TMED10: variants seen among roughly 807,000 people sequenced by gnomAD.
The protein encoded by TMED10 is transmembrane p24 trafficking protein 10.
A neutral mutation model predicts 23.1 loss-of-function variants in TMED10; 7 were observed. The ratio of observed to expected loss-of-function variants is 0.30; its 90% CI spans 0.17 to 0.57. TMED10 has a LOEUF of 0.57. Ranked by LOEUF, TMED10 falls within the 20% of genes least tolerant of loss-of-function variation. The probability of loss-of-function intolerance (pLI) is 0.91; values close to 1 mark genes in which losing one functional copy is unlikely to be tolerated. For synonymous variants in TMED10, 113 were observed against 106.9 expected (o/e 1.06, Z -0.35); for missense variants, 162 against 274.8 (o/e 0.59, Z 2.90).
intron 1 of TMED10, among the ~76,000 whole-genome samples, chr14:75,166,685 T>C (rs1405070943): frequency 6.6e-6 from 1 of 152,216 alleles, no homozygotes; most frequent in Non-Finnish European, 1.5e-5. Flanking sequence ...AATTAAAAGC[T>C]AGGAACTTTG....
chr14:75,136,999 C>T (rs1372859192), intron 3 of TMED10: 1 of 151,788 alleles, frequency 6.6e-6, no homozygotes, highest in African/African-American at 2.4e-5. Context: ...AGATACACCA[C>T]CAGAGCTTTC....
intron 1 of TMED10, among the ~76,000 whole-genome samples, chr14:75,171,643 A>C (rs1896234889): frequency 1.6e-5 from 1 of 60,904 alleles, no homozygotes; most frequent in African/African-American, 6.3e-5. Flanking sequence ...AGAAGCTAGA[A>C]AGGGCAAGAA....
intron 1 of TMED10, among the ~76,000 whole-genome samples, chr14:75,165,121 C>T (rs997180254): frequency 6.6e-6 from 1 of 152,172 alleles, no homozygotes; most frequent in Non-Finnish European, 1.5e-5. Context: ...CAAGTGAATA[C>T]TGAGCCAAAG....
chr14:75,140,702 T>A lies in TMED10; in HGVS notation c.412-4816A>T, dbSNP rs114501634. Among the ~76,000 whole-genome samples, 306 of 152,154 alleles carry A rather than the reference T, an allele frequency of 2.0e-3. 3 individuals carry two copies. The highest frequency in any genetic ancestry group is 7.1e-3 in the African/African-American group (293 of 41,530). ...CAGCCTGGGCTGGGTGGACTCTGTCTCAAAAAAATAAATAAATGAAGAAGT... is the reference window on the plus strand; with the variant it reads ...CAGCCTGGGCTGGGTGGACTCTGTCACAAAAAAATAAATAAATGAAGAAGT... On this transcript the variant is annotated intron_variant, in intron 3 of 4. Coordinates refer to ENST00000303575, the MANE Select transcript of TMED10 (RefSeq NM_006827.6).
chr14:75,133,280 C>T lies in TMED10; in HGVS notation c.*1605G>A, dbSNP rs1594861921. 6.6e-6 allele frequency: 1 copy of T among 152,054 alleles called. No homozygotes were observed. The highest frequency in any genetic ancestry group is 1.9e-4 in the East Asian group (1 of 5,172). 9.4% of individuals were successfully genotyped at this position (152,054 alleles called of 1,614,324 possible). A position where few individuals can be genotyped will look rare whatever the true frequency, so the allele number is the denominator to read the frequency against. On this transcript the variant is annotated 3_prime_UTR_variant, in exon 5 of 5. Transcript: ENST00000303575. Reference sequence around the variant, plus strand: ...TATCTAGGATATATAAAAAACCTCTCAAAACTCAATAGTAAAAAGAACAAA... The same window carrying T: ...TATCTAGGATATATAAAAAACCTCTTAAAACTCAATAGTAAAAAGAACAAA...
At chr14:75,159,391 G>A (rs905669609) in intron 1 of TMED10, among the ~76,000 whole-genome samples, 1 of 152,218 alleles carries the variant, frequency 6.6e-6, no homozygotes, top group Non-Finnish European at 1.5e-5. Context: ...AAGCATCAAG[G>A]TGAAAGTACT....
At chr14:75,149,626 C>T (rs1035430495) in intron 2 of TMED10, among the ~76,000 whole-genome samples, 1 of 152,190 alleles carries the variant, frequency 6.6e-6, no homozygotes, top group African/African-American at 2.4e-5. Flanking sequence ...GCCAAAGGAA[C>T]TGGTTCAGAC....
chr14:75,141,652 T>C (rs528080082), intron 3 of TMED10, among the ~76,000 whole-genome samples: 2 of 152,296 alleles, frequency 1.3e-5, no homozygotes, highest in South Asian at 2.1e-4. Context: ...CTTGGTGCAG[T>C]TGGCATTAGA....
chr14:75,135,114 C>T lies in TMED10; in HGVS notation c.539-108G>A, dbSNP rs942017155. On this transcript the variant is annotated intron_variant, in intron 4 of 4. Transcript: ENST00000303575. ...GCAATTAATTAACTTCACTCTGTCC[C>T]TAGGTCTAACAGTAGGATTTCAGAT... is the stretch of plus-strand genomic sequence containing the variant. 2.9e-5 allele frequency: 40 copies of T among 1,376,938 alleles called. No individual in the cohort carries two copies. The East Asian group carries it at 5.2e-4, about 18-fold the overall frequency. The allele number at this position is 1,376,938 out of a possible 1,614,324, so 85.3% of individuals were successfully genotyped here.
rs1345417749 is a variant in TMED10, at chr14:75,164,565, ATATATATATATATTTTTTT to A, written c.225+11771_225+11789del. On this transcript the variant is annotated intron_variant, in intron 1 of 4. Transcript: ENST00000303575. ...TATATATATATATATATATATATAT[ATATATATATATATTTTTTT>A]TTTTTTTTTTGTATTTTTAGAAGAG... 9.4e-3 allele frequency among the ~76,000 whole-genome samples: 22 copies of A among 2,332 alleles called. 3 individuals carry two copies. Among genetic ancestry groups the A allele is most frequent in the Admixed American group, 0.042 (8 of 190 alleles). 1.5% of individuals were successfully genotyped at this position (2,332 alleles called of 152,430 possible). A position where few individuals can be genotyped will look rare whatever the true frequency, so the allele number is the denominator to read the frequency against.
At position 75,132,974 on chromosome 14, in the gene TMED10, C is replaced by T. The variant is rs1446712103; in HGVS notation, c.*1911G>A. 1.3e-5 allele frequency: 2 copies of T among 152,222 alleles called. No homozygotes were observed. Among genetic ancestry groups the T allele is most frequent in the South Asian group, 2.1e-4 (1 of 4,820 alleles). The allele number at this position is 152,222 out of a possible 1,614,324, so 9.4% of individuals were successfully genotyped here. A position where few individuals can be genotyped will look rare whatever the true frequency, so the allele number is the denominator to read the frequency against. On this transcript the variant is annotated 3_prime_UTR_variant, in exon 5 of 5. Coordinates refer to ENST00000303575, the MANE Select transcript of TMED10 (RefSeq NM_006827.6). ...TTTATAAACAATGGTCATTTATATC[C>T]ACACTTTCTCTTATTTACATTAGTT... is the stretch of plus-strand genomic sequence containing the variant.
chr14:75,173,896 A>G (rs992818225), intron 1 of TMED10, among the ~76,000 whole-genome samples: 1 of 152,080 alleles, frequency 6.6e-6, no homozygotes, highest in South Asian at 2.1e-4. Flanking sequence ...ATGCCCAGCT[A>G]ATTTTTGTAT....
intron 1 of TMED10, among the ~76,000 whole-genome samples, chr14:75,166,389 AG>A (rs1896163691): frequency 6.6e-6 from 1 of 152,238 alleles, no homozygotes; most frequent in Non-Finnish European, 1.5e-5. Flanking sequence ...GCAATGGCTC[AG>A]GATCAAACTA....
intron 1 of TMED10, among the ~76,000 whole-genome samples, chr14:75,156,916 A>AAAAAG (rs57658115): frequency 0.4 from 54,223 of 135,282 alleles, 11,691 homozygotes; most frequent in East Asian, 0.66. Flanking sequence ...CCGTCTCAAA[A>AAAAAG]AAAAGAAAAG....
chr14:75,173,128 G>C (rs1329257116), intron 1 of TMED10, among the ~76,000 whole-genome samples: 1 of 152,238 alleles, frequency 6.6e-6, no homozygotes, highest in African/African-American at 2.4e-5. Context: ...GCTCATGCCT[G>C]TAATCCGAGC....
chr14:75,154,812 T>C (rs1027173886), intron 1 of TMED10, among the ~76,000 whole-genome samples: 2 of 149,238 alleles, frequency 1.3e-5, no homozygotes, highest in African/African-American at 5.0e-5. Flanking sequence ...TACAGGCACA[T>C]GCCACCACAC....
intron 1 of TMED10, among the ~76,000 whole-genome samples, chr14:75,163,173 T>C (rs1005543587): frequency 1.3e-5 from 2 of 151,580 alleles, no homozygotes; most frequent in Non-Finnish European, 2.9e-5. Flanking sequence ...TCCCAGGAGG[T>C]CAAGGCTGCA....
intron 1 of TMED10, among the ~76,000 whole-genome samples, chr14:75,166,610 GA>G (rs1361238203): frequency 6.6e-6 from 1 of 152,206 alleles, no homozygotes; most frequent in East Asian, 1.9e-4. Flanking sequence ...TACTGAATAA[GA>G]GAGATTTAAA....
At chr14:75,164,072 C>T (rs10140951) in intron 1 of TMED10, among the ~76,000 whole-genome samples, 4,114 of 151,762 alleles carry the variant, frequency 0.027, 216 homozygotes, top group African/African-American at 0.094. Flanking sequence ...ACATTTTCTT[C>T]CTTTTTTTTT....
Sources: allele counts gnomAD v4.1 joint callset (sites outside exome capture counted in the v4.1 genomes callset), GRCh38; gene constraint gnomAD v4.1.1; transcripts MANE v1.5; gene names NCBI Gene and HGNC (gene_info 2026-07-23, HGNC 2026-07-21).